PLEKHA8: variants seen among roughly 807,000 people sequenced by gnomAD.
PLEKHA8 encodes the protein pleckstrin homology domain containing A8.
In PLEKHA8, 36 loss-of-function variants were observed where a neutral mutation model predicts 68.2. The observed-to-expected ratio is 0.53, with a 90% CI of 0.40 to 0.70. PLEKHA8 has a LOEUF of 0.70. Ranked by LOEUF, PLEKHA8 falls within the 30% of genes least tolerant of loss-of-function variation. The probability of loss-of-function intolerance (pLI) is 0.00; values close to 1 mark genes in which losing one functional copy is unlikely to be tolerated. For synonymous variants in PLEKHA8, 211 were observed against 216.1 expected, an observed-to-expected ratio of 0.98 and a Z score of 0.20; for missense variants, 505 against 615.4, an observed-to-expected ratio of 0.82 and a Z score of 1.90.
intron 12 of PLEKHA8, among the ~76,000 whole-genome samples, chr7:30,065,558 T>G (rs543546541): frequency 1.2e-3 from 182 of 152,318 alleles, no homozygotes; most frequent in African/African-American, 4.2e-3. Context: ...TTTTCTCATT[T>G]TGAAGTCCCA....
Position 30,055,464 on chromosome 7 carries a change from A to T in PLEKHA8, c.1039+122A>T, listed in dbSNP as rs542305954. Reference sequence around the variant, plus strand: ...GAGATGACCCTTGGCTATTTGTTCAAATCACCAGACACATACAGTTAAAAC... The same window carrying T: ...GAGATGACCCTTGGCTATTTGTTCATATCACCAGACACATACAGTTAAAAC... On this transcript the variant is annotated intron_variant, in intron 9 of 13. Coordinates refer to ENST00000449726, the MANE Select transcript of PLEKHA8 (RefSeq NM_001197026.2). The T allele has an allele frequency of 2.6e-4, 215 of 818,106 alleles. 2 individuals are homozygous for T. In the South Asian group the frequency reaches 3.1e-3, roughly 12 times the overall value. The allele number at this position is 818,106 out of a possible 1,614,324, so 50.7% of individuals were successfully genotyped here. A position where few individuals can be genotyped will look rare whatever the true frequency, so the allele number is the denominator to read the frequency against.
intron 13 of PLEKHA8, among the ~76,000 whole-genome samples, chr7:30,076,015 T>C (rs1228456769): frequency 6.6e-6 from 1 of 152,036 alleles, no homozygotes; most frequent in Non-Finnish European, 1.5e-5. Context: ...CTTAGCTTTT[T>C]AATTTACATA....
chr7:30,121,894 A>G (rs1413985544), intron 13 of PLEKHA8, among the ~76,000 whole-genome samples: 1 of 152,180 alleles, frequency 6.6e-6, no homozygotes, highest in Non-Finnish European at 1.5e-5. Context: ...CCAGGCCTAG[A>G]GTTGCTTGGA....
chr7:30,037,993 A>G (rs1791233811), intron 1 of PLEKHA8, among the ~76,000 whole-genome samples: 1 of 152,144 alleles, frequency 6.6e-6, no homozygotes, highest in Admixed American at 6.5e-5. Flanking sequence ...TAAATTTTTA[A>G]TTGTTTTTCC....
At chr7:30,113,931 C>T (rs1321483927) in intron 13 of PLEKHA8, among the ~76,000 whole-genome samples, 1 of 147,484 alleles carries the variant, frequency 6.8e-6, no homozygotes, top group Non-Finnish European at 1.5e-5. Flanking sequence ...GACAGAGTCT[C>T]ACCAATGCCC....
chr7:30,056,804 G>GTA (rs1793019432), intron 9 of PLEKHA8, among the ~76,000 whole-genome samples: 1 of 136,524 alleles, frequency 7.3e-6, no homozygotes, highest in Non-Finnish European at 1.6e-5. Context: ...TATGTTATGT[G>GTA]TATATATATG....
intron 6 of PLEKHA8, among the ~76,000 whole-genome samples, chr7:30,051,074 A>AT (rs1161584089): frequency 6.6e-6 from 1 of 152,002 alleles, no homozygotes; most frequent in Non-Finnish European, 1.5e-5. Context: ...TAATTTTTGT[A>AT]TTTTTTGTAC....
chr7:30,074,080 A>G lies in PLEKHA8; in HGVS notation c.1310A>G (p.Tyr437Cys). 2 of 1,612,476 alleles carry G rather than the reference A, an allele frequency of 1.2e-6. No individual in the cohort carries two copies. Among genetic ancestry groups the G allele is most frequent in the Non-Finnish European group, 1.7e-6 (2 of 1,178,948 alleles). ...TTTTCTTCTTTTCAAGATAATGCAT[A>G]TGGTAAAACATTGCGGCAACACCAT... ...KDIQTALNNAYGKTLRQHHGW... is the reference protein window; with the variant it reads ...KDIQTALNNACGKTLRQHHGW... Residue 437 changes from tyrosine (Y) to cysteine (C), a missense_variant, in exon 13 of 14, where the codon TAT becomes TGT. Physicochemically the swap from Tyr to Cys is radical, Grantham distance 194. Transcript: ENST00000449726.
At chr7:30,117,200 G>A (rs115876313) in intron 13 of PLEKHA8, among the ~76,000 whole-genome samples, 1,783 of 152,168 alleles carry the variant, frequency 0.012, 36 homozygotes, top group African/African-American at 0.042. Flanking sequence ...TTGAGAAATC[G>A]ATTCAAACTC....
intron 13 of PLEKHA8, among the ~76,000 whole-genome samples, chr7:30,109,504 C>T (rs181276982): frequency 5.4e-4 from 74 of 137,168 alleles, no homozygotes; most frequent in Middle Eastern, 4.2e-3. Context: ...AGGAGAAATG[C>T]TTGAACCCGG....
chr7:30,122,806 T>C (rs1282245529), intron 13 of PLEKHA8, among the ~76,000 whole-genome samples: 1 of 152,144 alleles, frequency 6.6e-6, no homozygotes, highest in Admixed American at 6.5e-5. Context: ...AAAGTGGATA[T>C]TTTAAGAGAA....
At chr7:30,129,419 A>G in exon 14 of PLEKHA8, 1 of 1,224,092 alleles carries the variant, frequency 8.2e-7, no homozygotes, top group Non-Finnish European at 1.2e-6. Flanking sequence ...TGCACTGCCC[A>G]CCTCCAGATC....
At chr7:30,109,700 C>T (rs1413034468) in intron 13 of PLEKHA8, among the ~76,000 whole-genome samples, 2 of 139,708 alleles carry the variant, frequency 1.4e-5, no homozygotes, top group African/African-American at 5.3e-5. Flanking sequence ...AAGACAGAGT[C>T]TCACTTTGTC....
chr7:30,056,783 GTGTA>G (rs1376457130), intron 9 of PLEKHA8, among the ~76,000 whole-genome samples: 959 of 83,202 alleles, frequency 0.012, 8 homozygotes, highest in Admixed American at 0.047. Context: ...GTGTGTGTGT[GTGTA>G]TATATATATG....
intron 12 of PLEKHA8, among the ~76,000 whole-genome samples, chr7:30,065,447 A>C (rs1793771781): frequency 6.8e-6 from 1 of 147,398 alleles, no homozygotes; most frequent in Non-Finnish European, 1.5e-5. Flanking sequence ...ACACAGACAC[A>C]ACAAGCTCTG....
At chr7:30,105,897 T>C (rs1478593795) in intron 13 of PLEKHA8, among the ~76,000 whole-genome samples, 6 of 152,232 alleles carry the variant, frequency 3.9e-5, no homozygotes, top group Non-Finnish European at 7.3e-5. Context: ...TCTTTTGTTG[T>C]GTTTTAAATT....
intron 12 of PLEKHA8, among the ~76,000 whole-genome samples, chr7:30,070,836 C>T (rs1048768406): frequency 3.3e-5 from 5 of 152,166 alleles, no homozygotes; most frequent in Non-Finnish European, 7.4e-5. Context: ...GAGCCACCAC[C>T]GTGCCTGGCC....
At chr7:30,099,481 G>T (rs1795765947) in intron 13 of PLEKHA8, among the ~76,000 whole-genome samples, 1 of 152,190 alleles carries the variant, frequency 6.6e-6, no homozygotes, top group Admixed American at 6.5e-5. Flanking sequence ...TGAAGGCGAG[G>T]CACAAAGTCT....
At chr7:30,065,499 A>G (rs1475620207) in intron 12 of PLEKHA8, among the ~76,000 whole-genome samples, 7 of 150,994 alleles carry the variant, frequency 4.6e-5, no homozygotes, top group Admixed American at 2.7e-4. Context: ...ATAGTTACTC[A>G]GAACCTGTAG....
Sources: allele counts gnomAD v4.1 joint callset (sites outside exome capture counted in the v4.1 genomes callset), GRCh38; gene constraint gnomAD v4.1.1; transcripts MANE v1.5; gene names NCBI Gene and HGNC (gene_info 2026-07-23, HGNC 2026-07-21).